Variants in MID2 observed in about 807,000 individuals in gnomAD.
MID2 encodes the protein probable E3 ubiquitin-protein ligase MID2.
Under a neutral mutation model 46.1 loss-of-function variants are expected in MID2, and 13 were observed. The ratio of observed to expected loss-of-function variants is 0.28; its 90% CI spans 0.18 to 0.45. MID2 has a LOEUF of 0.45. Among genes scored for constraint, MID2 ranks in the 20% least tolerant of loss-of-function variants. The pLI is 1.00. For synonymous variants in MID2, 199 were observed against 212.3 expected (o/e 0.94, Z 0.55); for missense variants, 431 against 575.4 (o/e 0.75, Z 2.57).
intron 4 of MID2, among the ~76,000 whole-genome samples, chrX:107,904,676 T>G (rs931294722): frequency 2.7e-5 from 3 of 111,727 alleles, no homozygotes; most frequent in Non-Finnish European, 5.7e-5. Context: ...ATAGGAAACA[T>G]TGAACTTTTA....
intron 1 of MID2, among the ~76,000 whole-genome samples, chrX:107,827,917 A>C (rs185591375): frequency 1.2e-4 from 13 of 112,365 alleles, no homozygotes; most frequent in African/African-American, 4.2e-4. Flanking sequence ...TGTTTGTTAT[A>C]GTTTGGATAT....
chrX:107,899,085 C>T (rs1420866585), intron 3 of MID2, among the ~76,000 whole-genome samples: 3 of 109,054 alleles, frequency 2.8e-5, no homozygotes, highest in African/African-American at 6.7e-5. Context: ...GGGAAGTTAT[C>T]GTGGGAGTGG....
At chrX:107,855,528 A>G (rs1319585097) in intron 3 of MID2, among the ~76,000 whole-genome samples, 1 of 112,160 alleles carries the variant, frequency 8.9e-6, no homozygotes, top group African/African-American at 3.2e-5. Flanking sequence ...GTGGTTGGAT[A>G]AAAATGTTTC....
intron 2 of MID2, among the ~76,000 whole-genome samples, chrX:107,842,526 C>T (rs1931370632): frequency 8.9e-6 from 1 of 111,983 alleles, no homozygotes; most frequent in Admixed American, 9.4e-5. Context: ...TCCTGCCATG[C>T]AGTGGATGAT....
intron 6 of MID2, among the ~76,000 whole-genome samples, chrX:107,917,214 C>A (rs891857897): frequency 1.8e-5 from 2 of 111,738 alleles, no homozygotes; most frequent in African/African-American, 6.5e-5. Context: ...CATATAATCA[C>A]TTTAATGTCT....
intron 3 of MID2, among the ~76,000 whole-genome samples, chrX:107,898,688 A>G (rs1218358624): frequency 1.8e-5 from 2 of 111,997 alleles, no homozygotes; most frequent in Non-Finnish European, 3.8e-5. Context: ...TGCTGGATAC[A>G]TGTGGGATAT....
At chrX:107,828,433 T>C (rs1931014527) in intron 1 of MID2, among the ~76,000 whole-genome samples, 1 of 106,069 alleles carries the variant, frequency 9.4e-6, no homozygotes, top group Admixed American at 1.0e-4. Context: ...TCCCTCAGCA[T>C]CTCAAGTAGT....
At chrX:107,891,058 C>T (rs1019135647) in intron 3 of MID2, among the ~76,000 whole-genome samples, 10 of 110,417 alleles carry the variant, frequency 9.1e-5, no homozygotes, top group Non-Finnish European at 1.3e-4. Flanking sequence ...ACCCCTTGAG[C>T]TTCCTGGGTG....
chrX:107,841,277 C>G lies in MID2; in HGVS notation c.612C>G (p.Asn204Lys). Residue 204 changes from asparagine to lysine, a missense_variant, in exon 2 of 10, where the codon AAC becomes AAG. Asn to Lys is a moderately conservative substitution (Grantham distance 94). Coordinates refer to ENST00000262843, the MANE Select transcript of MID2 (RefSeq NM_012216.4). The part of the protein sequence containing the change: ...TCLDHENEKV[N>K]MYCVSDDQLI... ...TGGACCATGAGAATGAGAAAGTGAA[C>G]ATGTACTGTGTATCTGATGACCAAT... 5.0e-6 allele frequency: 6 copies of G among 1,211,213 alleles called. No homozygotes were observed. Among genetic ancestry groups the G allele is most frequent in the Non-Finnish European group, 6.7e-6 (6 of 895,151 alleles).
At chrX:107,918,022 C>A (rs1244305684) in intron 7 of MID2, among the ~76,000 whole-genome samples, 1 of 111,566 alleles carries the variant, frequency 9.0e-6, no homozygotes, top group Non-Finnish European at 1.9e-5. Context: ...CTTGACTCTT[C>A]TTCTACTTCA....
intron 2 of MID2, among the ~76,000 whole-genome samples, chrX:107,848,069 G>A (rs1410520164): frequency 9.0e-6 from 1 of 111,552 alleles, no homozygotes; most frequent in African/African-American, 3.3e-5. Flanking sequence ...CTTTACCAGT[G>A]GCTGAAAGAT....
chrX:107,884,225 C>T (rs1337427066), intron 3 of MID2, among the ~76,000 whole-genome samples: 1 of 112,232 alleles, frequency 8.9e-6, no homozygotes, highest in Non-Finnish European at 1.9e-5. Flanking sequence ...TAAGTAGAGA[C>T]ATAAATCAAA....
chrX:107,884,749 T>G (rs1932410285), intron 3 of MID2, among the ~76,000 whole-genome samples: 1 of 112,449 alleles, frequency 8.9e-6, no homozygotes, highest in African/African-American at 3.2e-5. Flanking sequence ...AGTCTTGGCC[T>G]TGGAGTTAGG....
intron 3 of MID2, among the ~76,000 whole-genome samples, chrX:107,880,740 C>T (rs1169086606): frequency 8.9e-6 from 1 of 111,961 alleles, no homozygotes; most frequent in Non-Finnish European, 1.9e-5. Context: ...TGCTTTGAGC[C>T]TGGTGGTCTC....
intron 3 of MID2, among the ~76,000 whole-genome samples, chrX:107,887,337 T>C (rs1192973459): frequency 2.7e-5 from 3 of 111,886 alleles, no homozygotes; most frequent in Non-Finnish European, 3.8e-5. Flanking sequence ...GCATGAAGGG[T>C]TGTTGAATTT....
chrX:107,869,091 G>A (rs753089190), intron 3 of MID2, among the ~76,000 whole-genome samples: 28 of 110,107 alleles, frequency 2.5e-4, no homozygotes, highest in South Asian at 7.9e-4. Context: ...TCATATTTTC[G>A]GTGGTTTTAT....
At chrX:107,864,360 A>G (rs998621398) in intron 3 of MID2, among the ~76,000 whole-genome samples, 1 of 111,544 alleles carries the variant, frequency 9.0e-6, no homozygotes, top group East Asian at 2.8e-4. Flanking sequence ...GGTACAGAGG[A>G]GAGGGAGTTG....
intron 1 of MID2, among the ~76,000 whole-genome samples, chrX:107,828,922 C>G (rs1031378842): frequency 8.9e-6 from 1 of 112,400 alleles, no homozygotes; most frequent in Non-Finnish European, 1.9e-5. Context: ...CTCTGTCACC[C>G]AGGCTGGAGT....
intron 3 of MID2, among the ~76,000 whole-genome samples, chrX:107,860,081 G>A (rs766917936): frequency 2.7e-5 from 3 of 111,919 alleles, no homozygotes; most frequent in Non-Finnish European, 5.6e-5. Context: ...AGGGTCCAGG[G>A]TAAAAAGTGA....
Sources: allele counts gnomAD v4.1 joint callset (sites outside exome capture counted in the v4.1 genomes callset), GRCh38; gene constraint gnomAD v4.1.1; transcripts MANE v1.5; gene names NCBI Gene and HGNC (gene_info 2026-07-23, HGNC 2026-07-21).